IL1RL1: variants seen among roughly 807,000 people sequenced by gnomAD.
The protein encoded by IL1RL1 is interleukin 1 receptor like 1.
In IL1RL1, 32 loss-of-function variants were observed where a neutral mutation model predicts 50.9. The observed-to-expected ratio is 0.63, with a 90% CI of 0.47 to 0.84. The LOEUF (loss-of-function observed/expected upper bound fraction) is 0.84. IL1RL1 is among the 40% of genes least tolerant of loss of function. The pLI is 0.00. For synonymous variants in IL1RL1, 275 were observed against 236.0 expected, an observed-to-expected ratio of 1.17 and a Z score of -1.51; for missense variants, 773 against 662.9, an observed-to-expected ratio of 1.17 and a Z score of -1.82.
rs1367242412 is a variant in IL1RL1 at position 102,342,272 on chromosome 2, T to C, written c.660T>C (p.Asn220=). The change falls in exon 6 of 11, where the codon AAT becomes AAC. Residue 220 remains asparagine (N), a synonymous_variant. Transcript: ENST00000233954. ...CAGTAATCGGAGCCCCTGCACAAAA[T>C]GAAATAAAGGAAGTGGAAATTGGTA... The part of the protein sequence containing the change: ...LFPVIGAPAQ[N]EIKEVEIGKN... The C allele has an allele frequency of 6.2e-7, 1 of 1,611,176 alleles. No individual in the cohort carries two copies. The highest frequency in any genetic ancestry group is 1.1e-5 in the South Asian group (1 of 91,010).
chr2:102,321,393 C>T (rs892754264), intron 1 of IL1RL1, among the ~76,000 whole-genome samples: 1 of 152,146 alleles, frequency 6.6e-6, no homozygotes, highest in Non-Finnish European at 1.5e-5. Context: ...ATAACCCTCA[C>T]TGGTTGTCTG....
Position 102,340,170 on chromosome 2 carries a change from T to A in IL1RL1, c.345T>A (p.Asp115Glu), listed in dbSNP as rs1677491795. ...AACAATCAGATTGCAATGTTCCAGA[T>A]TATTTGATGTATTCAACAGTATCTG... Reference protein sequence around the residue: ...YKKQSDCNVPDYLMYSTVSGS... With the variant: ...YKKQSDCNVPEYLMYSTVSGS... The change falls in exon 4 of 11, where the codon GAT becomes GAA. Residue 115 changes from aspartate (D) to glutamate (E), a missense_variant. Physicochemically the swap from Asp to Glu is conservative, Grantham distance 45. Transcript: ENST00000233954. The A allele has an allele frequency of 6.2e-7, 1 of 1,600,304 alleles. No homozygotes were observed. Among genetic ancestry groups the A allele is most frequent in the Non-Finnish European group, 8.5e-7 (1 of 1,173,222 alleles).
At chr2:102,336,174 G>GC (rs1677319830) in intron 1 of IL1RL1, among the ~76,000 whole-genome samples, 1 of 152,150 alleles carries the variant, frequency 6.6e-6, no homozygotes. Flanking sequence ...ACAAGCAGTG[G>GC]CAGTTGGATT....
rs550319284 is a variant in IL1RL1, at chr2:102,350,959, C to T, written c.1286-577C>T. Among the ~76,000 whole-genome samples, 76 of 152,238 alleles carry T rather than the reference C, an allele frequency of 5.0e-4. No individual in the cohort carries two copies. The South Asian group carries it at 5.8e-3, about 12-fold the overall frequency. ...CTAATTGGAATCACCATGGTGTCTA[C>T]GCTGTATAAATGCCAAATGGGAAAG... On this transcript the variant is annotated intron_variant, in intron 10 of 10. Coordinates refer to ENST00000233954, the MANE Select transcript of IL1RL1 (RefSeq NM_016232.5).
chr2:102,327,170 C>T (rs191121521), intron 1 of IL1RL1, among the ~76,000 whole-genome samples: 9 of 152,238 alleles, frequency 5.9e-5, no homozygotes, highest in Admixed American at 5.9e-4. Context: ...GACCACAGTG[C>T]AATCAAACTA....
chr2:102,317,511 G>T (rs1014789172), intron 1 of IL1RL1, among the ~76,000 whole-genome samples: 1 of 151,994 alleles, frequency 6.6e-6, no homozygotes, highest in Admixed American at 6.5e-5. Context: ...TTCCTTATTA[G>T]ACTTTCTCCC....
At chr2:102,336,689 CT>C (rs1185055260) in intron 1 of IL1RL1, among the ~76,000 whole-genome samples, 110 of 147,698 alleles carry the variant, frequency 7.4e-4, no homozygotes, top group Middle Eastern at 3.5e-3. Flanking sequence ...AGAAAAGCTC[CT>C]TTTTTTTTTT....
intron 1 of IL1RL1, among the ~76,000 whole-genome samples, chr2:102,311,953 ATATATATTATATATAATAT>A (rs1676504902): frequency 5.6e-5 from 2 of 35,718 alleles, no homozygotes; most frequent in African/African-American, 1.3e-4. Flanking sequence ...ATTATATATA[ATATATATTATATATAATAT>A]TATATATAAT....
chr2:102,331,788 C>T (rs1445590334), intron 1 of IL1RL1, among the ~76,000 whole-genome samples: 1 of 152,188 alleles, frequency 6.6e-6, no homozygotes, highest in Admixed American at 6.5e-5. Flanking sequence ...ATTTCTGAGG[C>T]TGGGCATGGT....
chr2:102,339,100 G>A (rs1174061627), intron 3 of IL1RL1, 53 bp downstream of exon 3: 1 of 1,306,900 alleles, frequency 7.7e-7, no homozygotes, highest in South Asian at 1.2e-5. Context: ...TTTCTTCAGT[G>A]GTTGATTGCC....
chr2:102,344,638 A>G (rs1299222535), intron 8 of IL1RL1: 1 of 410,010 alleles, frequency 2.4e-6, no homozygotes, highest in Non-Finnish European at 3.3e-6. Flanking sequence ...CATCTCTTCC[A>G]TCTTTGGGTC....
chr2:102,351,388 C>A (rs1573165804), intron 10 of IL1RL1, 148 bp from the exon 11 acceptor site: 1 of 688,198 alleles, frequency 1.5e-6, no homozygotes, highest in Admixed American at 3.1e-5. Flanking sequence ...GGTTCTCTAT[C>A]CACACATACT....
At chr2:102,336,887 T>TGGCG (rs1677346211) in intron 1 of IL1RL1, among the ~76,000 whole-genome samples, 1 of 152,190 alleles carries the variant, frequency 6.6e-6, no homozygotes, top group Non-Finnish European at 1.5e-5. Flanking sequence ...CTGCCAAGGC[T>TGGCG]GGCGGAGCTT....
At chr2:102,315,062 TA>T (rs1676637536) in intron 1 of IL1RL1, among the ~76,000 whole-genome samples, 1 of 152,186 alleles carries the variant, frequency 6.6e-6, no homozygotes, top group Non-Finnish European at 1.5e-5. Context: ...TTTTTTTCCC[TA>T]ATTAGGATTC....
At chr2:102,345,936 A>C in intron 8 of IL1RL1, 1 of 985,416 alleles carries the variant, frequency 1.0e-6, no homozygotes, top group Non-Finnish European at 1.2e-6. Flanking sequence ...ATCATTGATC[A>C]ATGTCCCTGG....
intron 10 of IL1RL1, 145 bp from the exon 11 acceptor site, chr2:102,351,391 C>A: frequency 1.4e-6 from 1 of 707,628 alleles, no homozygotes; most frequent in Non-Finnish European, 2.3e-6. Context: ...TCTCTATCCA[C>A]ACATACTTCC....
chr2:102,343,641 A>C, intron 8 of IL1RL1: 1 of 1,422,776 alleles, frequency 7.0e-7, no homozygotes, highest in East Asian at 2.6e-5. Flanking sequence ...ACTCCCTCCT[A>C]TCGTTGGTTT....
rs1279033276 is a variant in IL1RL1, at chr2:102,351,550, G to A, written c.1300G>A (p.Val434Met). The A allele has an allele frequency of 6.2e-7, 1 of 1,613,902 alleles. No homozygotes were observed. The highest frequency in any genetic ancestry group is 1.7e-5 in the Admixed American group (1 of 60,002). Residue 434 changes from valine (V) to methionine (M), a missense_variant, in exon 11 of 11, where the codon GTG becomes ATG. Coordinates refer to ENST00000233954, the MANE Select transcript of IL1RL1 (RefSeq NM_016232.5). ...MLPGEDVVTA[V>M]ETNIRKSRRH... ...TGTATGACTAGATGTAGTCACTGCA[G>A]TGGAAACCAACATACGAAAGAGCAG...
chr2:102,328,474 C>T (rs1006045630), intron 1 of IL1RL1, among the ~76,000 whole-genome samples: 18 of 152,190 alleles, frequency 1.2e-4, no homozygotes, highest in Admixed American at 1.3e-4. Context: ...CTCACCACTC[C>T]TATTCAACAT....
Sources: gnomAD v4.1 joint callset for allele counts (sites outside exome capture counted in the v4.1 genomes callset) on GRCh38, gnomAD v4.1.1 for gene constraint, MANE v1.5 for transcripts, NCBI Gene and HGNC (gene_info 2026-07-23, HGNC 2026-07-21) for gene names.